Variants in GNPTAB observed in about 807,000 individuals in gnomAD.
GNPTAB encodes the protein N-acetylglucosamine-1-phosphotransferase subunits alpha/beta.
A neutral mutation model predicts 136.6 loss-of-function variants in GNPTAB; 92 were observed. The ratio of observed to expected loss-of-function variants is 0.67; its 90% CI spans 0.57 to 0.80. The LOEUF (loss-of-function observed/expected upper bound fraction) is 0.80. Ranked by LOEUF, GNPTAB falls within the 30% of genes least tolerant of loss-of-function variation. The pLI is 0.00. For synonymous variants in GNPTAB, 512 were observed against 535.1 expected (o/e 0.96, Z 0.60); for missense variants, 1,343 against 1,501.8 (o/e 0.89, Z 1.75).
At chr12:101,750,234 T>G (rs1952796016) in intron 19 of GNPTAB, among the ~76,000 whole-genome samples, 1 of 152,218 alleles carries the variant, frequency 6.6e-6, no homozygotes, top group Non-Finnish European at 1.5e-5. Context: ...TTGGAAGATA[T>G]GCTAGTAACT....
intron 1 of GNPTAB, among the ~76,000 whole-genome samples, chr12:101,801,089 C>T (rs1869592003): frequency 6.6e-6 from 1 of 151,118 alleles, no homozygotes; most frequent in Admixed American, 6.6e-5. Context: ...AAAAATTGGC[C>T]AGGCATGGTG....
At chr12:101,798,350 G>A (rs1201304993) in intron 1 of GNPTAB, among the ~76,000 whole-genome samples, 1 of 152,056 alleles carries the variant, frequency 6.6e-6, no homozygotes, top group African/African-American at 2.4e-5. Context: ...GCTTCCTCCA[G>A]CATCCTATTC....
At chr12:101,767,651 G>A (rs538090129) in intron 11 of GNPTAB, among the ~76,000 whole-genome samples, 1 of 152,304 alleles carries the variant, frequency 6.6e-6, no homozygotes, top group African/African-American at 2.4e-5. Context: ...GAGAGAGGCT[G>A]TCACTCTGCC....
intron 7 of GNPTAB, 27 bp from the exon 8 acceptor site, chr12:101,771,184 T>A (rs375027732): frequency 3.9e-4 from 614 of 1,582,308 alleles, no homozygotes; most frequent in Non-Finnish European, 4.4e-4. Flanking sequence ...GGATTACACA[T>A]GAAAAGACTG....
At chr12:101,759,133 G>T (rs1350881748) in intron 16 of GNPTAB, among the ~76,000 whole-genome samples, 1 of 152,066 alleles carries the variant, frequency 6.6e-6, no homozygotes, top group African/African-American at 2.4e-5. Flanking sequence ...GGATGCTAAG[G>T]CAGGCGTATC....
chr12:101,828,655 A>T (rs1451696891), intron 1 of GNPTAB, among the ~76,000 whole-genome samples: 1 of 151,802 alleles, frequency 6.6e-6, no homozygotes, highest in Non-Finnish European at 1.5e-5. Flanking sequence ...GCGCCATTGC[A>T]CTCCAGCTTG....
intron 1 of GNPTAB, among the ~76,000 whole-genome samples, chr12:101,830,017 A>G (rs961910148): frequency 1.1e-4 from 17 of 151,720 alleles, no homozygotes; most frequent in South Asian, 6.2e-4. Context: ...AAAAAAAAAA[A>G]AAAAAGAAAA....
intron 5 of GNPTAB, among the ~76,000 whole-genome samples, chr12:101,782,615 T>A (rs547517292): frequency 6.6e-6 from 1 of 152,320 alleles, no homozygotes; most frequent in South Asian, 2.1e-4. Context: ...GAAGCCAGAT[T>A]GACTGCCTGG....
intron 1 of GNPTAB, among the ~76,000 whole-genome samples, chr12:101,800,250 T>C (rs1312033947): frequency 6.6e-6 from 1 of 151,648 alleles, no homozygotes; most frequent in African/African-American, 2.4e-5. Flanking sequence ...TTTGGGAGGA[T>C]GAATTGGGAG....
At chr12:101,796,457 C>T (rs558332614) in intron 2 of GNPTAB, 27 of 624,372 alleles carry the variant, frequency 4.3e-5, no homozygotes, top group Non-Finnish European at 7.4e-5. Flanking sequence ...CACCCTTGCA[C>T]AGGGGCCACA....
rs1871341972 is a variant in GNPTAB, at chr12:101,830,875, C to G, written c.-200G>C. On this transcript the variant is annotated 5_prime_UTR_variant, in exon 1 of 21. Coordinates refer to ENST00000299314, the MANE Select transcript of GNPTAB (RefSeq NM_024312.5). The stretch of plus-strand genomic sequence containing the variant: ...GCCGCCGCTTCCGGGAGCCGGGAGC[C>G]CACGCCCTCGGCGCGGCGGAGGCGG... 1 of 150,538 alleles carries G rather than the reference C, an allele frequency of 6.6e-6. No individual in the cohort carries two copies. Among genetic ancestry groups the G allele is most frequent in the South Asian group, 1.9e-4 (1 of 5,220 alleles). The allele number at this position is 150,538 out of a possible 1,614,324, so 9.3% of individuals were successfully genotyped here.
At chr12:101,764,101 G>C in intron 13 of GNPTAB, 101 bp downstream of exon 13, 1 of 1,453,868 alleles carries the variant, frequency 6.9e-7, no homozygotes, top group Non-Finnish European at 9.5e-7. Context: ...TTCCATGGCC[G>C]GCACAGGGAA....
At chr12:101,784,618 G>C (rs568030971) in intron 5 of GNPTAB, among the ~76,000 whole-genome samples, 9 of 151,932 alleles carry the variant, frequency 5.9e-5, no homozygotes, top group African/African-American at 2.2e-4. Flanking sequence ...ATTGGAGTCT[G>C]TGTGAGGGAA....
chr12:101,810,366 T>G (rs1870150788), intron 1 of GNPTAB, among the ~76,000 whole-genome samples: 1 of 148,740 alleles, frequency 6.7e-6, no homozygotes, highest in South Asian at 2.1e-4. Context: ...AAACCTAAAC[T>G]GCTCTAAAAT....
At position 101,786,056 on chromosome 12, in the gene GNPTAB, G is replaced by C. The variant is rs142302101; in HGVS notation, c.527C>G (p.Pro176Arg). ...AACAACAACTGAGACATTGGTAGAA[G>C]GGTTTTTTGGTTTTGCAACATTGAA... Reference protein sequence around the residue: ...DIFNVAKPKNPSTNVSVVVFD... With the variant: ...DIFNVAKPKNRSTNVSVVVFD... Residue 176 changes from proline (P) to arginine (R), a missense_variant, in exon 5 of 21, where the codon CCT (proline) becomes CGT (arginine). Transcript: ENST00000299314. The C allele has an allele frequency of 1.9e-6, 3 of 1,614,040 alleles. No individual in the cohort carries two copies. The highest frequency in any genetic ancestry group is 2.5e-6 in the Non-Finnish European group (3 of 1,179,914).
intron 1 of GNPTAB, among the ~76,000 whole-genome samples, chr12:101,814,129 T>C (rs529033473): frequency 2.0e-5 from 3 of 149,980 alleles, no homozygotes; most frequent in East Asian, 2.0e-4. Flanking sequence ...TGAAACACCA[T>C]CTCTACAAAA....
chr12:101,820,460 C>T (rs1282680262), intron 1 of GNPTAB, among the ~76,000 whole-genome samples: 2 of 152,130 alleles, frequency 1.3e-5, no homozygotes, highest in African/African-American at 4.8e-5. Context: ...GCCATTCTTG[C>T]CCCTTCTAAT....
At chr12:101,803,437 TG>T (rs1464755078) in intron 1 of GNPTAB, among the ~76,000 whole-genome samples, 54 of 152,362 alleles carry the variant, frequency 3.5e-4, no homozygotes, top group Middle Eastern at 3.4e-3. Context: ...TGATGCAAAG[TG>T]GCTTAATGCA....
intron 11 of GNPTAB, among the ~76,000 whole-genome samples, chr12:101,767,341 G>A (rs542165499): frequency 6.6e-6 from 1 of 152,356 alleles, no homozygotes; most frequent in Non-Finnish European, 1.5e-5. Context: ...ATGTGAGGGA[G>A]AGGGAAGAGC....
Sources: allele counts gnomAD v4.1 joint callset (sites outside exome capture counted in the v4.1 genomes callset), GRCh38; gene constraint gnomAD v4.1.1; transcripts MANE v1.5; gene names NCBI Gene and HGNC (gene_info 2026-07-23, HGNC 2026-07-21).